ITGB4: variants seen among roughly 807,000 people sequenced by gnomAD.
ITGB4 encodes integrin beta-4.
A neutral mutation model predicts 207.6 loss-of-function variants in ITGB4; 159 were observed. The ratio of observed to expected loss-of-function variants is 0.77; its 90% CI spans 0.67 to 0.87. The LOEUF (loss-of-function observed/expected upper bound fraction) is 0.87. Ranked by LOEUF, ITGB4 falls within the 40% of genes least tolerant of loss-of-function variation. ITGB4 has a pLI of 0.00. For synonymous variants in ITGB4, 1,020 were observed against 1,062.7 expected (o/e 0.96, Z 0.78); for missense variants, 2,278 against 2,546.8 (o/e 0.89, Z 2.27).
At chr17:75,734,976 C>T (rs1467414991) in intron 13 of ITGB4, among the ~76,000 whole-genome samples, 3 of 152,224 alleles carry the variant, frequency 2.0e-5, no homozygotes, top group Non-Finnish European at 4.4e-5. Flanking sequence ...AACCTTGTAT[C>T]TAGTCACCTT....
At chr17:75,751,972 G>A (rs557602196) in intron 30 of ITGB4, 5 of 689,674 alleles carry the variant, frequency 7.2e-6, no homozygotes, top group African/African-American at 1.7e-5. Flanking sequence ...GAGTCCCTTG[G>A]AGGACTGGTG....
intron 13 of ITGB4, among the ~76,000 whole-genome samples, chr17:75,734,774 G>T (rs1488406942): frequency 6.6e-6 from 1 of 152,168 alleles, no homozygotes; most frequent in Non-Finnish European, 1.5e-5. Context: ...GAGAGAACTG[G>T]GCACCACTGG....
At position 75,740,488 on chromosome 17, in the gene ITGB4, C is replaced by T. The variant is rs572534386; in HGVS notation, c.2550+27C>T. On this transcript the variant is annotated intron_variant, in intron 21 of 39. Transcript: ENST00000200181. The surrounding 1 kb of genome is among the most constrained non-coding windows in gnomAD (Gnocchi z 5.9). ...TAAGGACCCAGGAACTAGGCCTGGCCGGAGATGTGGGTATGAGGGCGGGTG... is the reference window on the plus strand; with the variant it reads ...TAAGGACCCAGGAACTAGGCCTGGCTGGAGATGTGGGTATGAGGGCGGGTG... 29 of 1,556,096 alleles carry T rather than the reference C, an allele frequency of 1.9e-5. No homozygotes were observed. The South Asian group carries it at 2.0e-4, about 11-fold the overall frequency.
Position 75,742,457 on chromosome 17 carries a change from C to A in ITGB4, c.2750C>A (p.Ala917Asp). 1 of 1,612,972 alleles carries A rather than the reference C, an allele frequency of 6.2e-7. No individual in the cohort carries two copies. Among genetic ancestry groups the A allele is most frequent in the Non-Finnish European group, 8.5e-7 (1 of 1,179,732 alleles). Residue 917 changes from alanine to aspartate, a missense_variant, in exon 24 of 40, where the codon GCC (alanine) becomes GAC (aspartate). Ala to Asp is a moderately radical substitution (Grantham distance 126). Coordinates refer to ENST00000200181, the MANE Select transcript of ITGB4 (RefSeq NM_000213.5). The surrounding 1 kb of genome is among the most constrained non-coding windows in gnomAD (Gnocchi z 5.9). ...EQRAFHDLKV[A>D]PGYYTLTADQ... ...AGGGCCTTCCACGACCTCAAGGTGG[C>A]CCCCGGCTACTACACCCTCACTGCA...
At chr17:75,741,111 G>T in intron 23 of ITGB4, 106 bp downstream of exon 23, 1 of 1,315,896 alleles carries the variant, frequency 7.6e-7, no homozygotes, top group South Asian at 1.2e-5. Context: ...CCATAGGAAG[G>T]GAGGGTCAGA....
At position 75,756,480 on chromosome 17, in the gene ITGB4, TGGAA is replaced by T. The variant is rs768872194; in HGVS notation, c.4762_4765del (p.Glu1588ThrfsTer50). 2 of 1,613,062 alleles carry T rather than the reference TGGAA, an allele frequency of 1.2e-6. No individual in the cohort carries two copies. ...AACCCTGCCCAGACCTCGGTGGTGG[TGGAA>T]GACCTCCTGCCCAACCACTCCTACG... On this transcript the variant is annotated frameshift_variant, in exon 36 of 40. Coordinates refer to ENST00000200181, the MANE Select transcript of ITGB4 (RefSeq NM_000213.5). LOFTEE classifies it high-confidence loss of function.
chr17:75,736,735 G>A, intron 16 of ITGB4, 41 bp downstream of exon 16: 1 of 1,571,476 alleles, frequency 6.4e-7, no homozygotes, highest in Non-Finnish European at 8.6e-7. Flanking sequence ...TGAGAGCCTA[G>A]GCAGCGGGCA....
At position 75,727,533 on chromosome 17, in the gene ITGB4, G is replaced by T. The variant is rs750587121; in HGVS notation, c.264+28G>T. 1.2e-6 allele frequency: 2 copies of T among 1,606,862 alleles called. No homozygotes were observed. Among genetic ancestry groups the T allele is most frequent in the East Asian group, 4.5e-5 (2 of 44,794 alleles). The stretch of plus-strand genomic sequence containing the variant: ...GCCTGGTGTGGGGACTGGGGTGGGG[G>T]CTCCCCATGCTCAGCCTGGCTATTT... On this transcript the variant is annotated intron_variant, in intron 4 of 39. Coordinates refer to ENST00000200181, the MANE Select transcript of ITGB4 (RefSeq NM_000213.5). The surrounding 1 kb of genome is among the most constrained non-coding windows in gnomAD (Gnocchi z 6.0).
chr17:75,727,593 C>T lies in ITGB4; in HGVS notation c.265-58C>T. The stretch of plus-strand genomic sequence containing the variant: ...TATAGTGCCCCTTGGCCGGGCTGGG[C>T]CCCCATCGGGCCTCCGGAGTGACCC... On this transcript the variant is annotated intron_variant, in intron 4 of 39. Transcript: ENST00000200181. The surrounding 1 kb of genome is among the most constrained non-coding windows in gnomAD (Gnocchi z 6.0). 3.2e-6 allele frequency: 5 copies of T among 1,579,948 alleles called. No individual in the cohort carries two copies. Among genetic ancestry groups the T allele is most frequent in the Non-Finnish European group, 4.3e-6 (5 of 1,162,678 alleles).
chr17:75,755,729 C>CA lies in ITGB4; in HGVS notation c.4588dup (p.Thr1530AsnfsTer42). ...CTCGCCTGACTGCTGGTGTGCCCGA[C>CA]ACGCCCACCCGCCTGGTGTTCTCTG... On this transcript the variant is annotated frameshift_variant, in exon 35 of 40. Transcript: ENST00000200181. LOFTEE classifies it high-confidence loss of function. 1.2e-6 allele frequency: 2 copies of CA among 1,612,948 alleles called. No individual in the cohort carries two copies. Among genetic ancestry groups the CA allele is most frequent in the Non-Finnish European group, 1.7e-6 (2 of 1,179,928 alleles).
chr17:75,743,614 T>G, intron 25 of ITGB4, 99 bp from the exon 26 acceptor site: 1 of 1,537,870 alleles, frequency 6.5e-7, no homozygotes, highest in Non-Finnish European at 9.0e-7. Context: ...CCAAGCGGAC[T>G]CCTGGATTCT....
chr17:75,742,787 A>G lies in ITGB4; in HGVS notation c.2962+26A>G. On this transcript the variant is annotated intron_variant, in intron 25 of 39. Coordinates refer to ENST00000200181, the MANE Select transcript of ITGB4 (RefSeq NM_000213.5). This position sits in a 1 kb window ranked among gnomAD's most constrained non-coding sequence, Gnocchi z 5.9. ...GTGGGTCTGGGTGGGGAGAGTGGGG[A>G]AGGCAGACGGGGGCTCGGGGGCACT... 6.3e-7 allele frequency: 1 copy of G among 1,596,056 alleles called. No homozygotes were observed. The highest frequency in any genetic ancestry group is 8.5e-7 in the Non-Finnish European group (1 of 1,175,202).
At position 75,743,734 on chromosome 17, in the gene ITGB4, A is replaced by G. The variant is rs374504143; in HGVS notation, c.2984A>G (p.Glu995Gly). 215 of 1,613,292 alleles carry G rather than the reference A, an allele frequency of 1.3e-4. 1 individual carries two copies. The highest frequency in any genetic ancestry group is 1.7e-4 in the Non-Finnish European group (204 of 1,179,996). ...GCAGCCAGAGACGTGGTGTCCTTTG[A>G]GCAGCCTGAGTTCTCGGTCAGCCGC... ...KEQARDVVSF[E>G]QPEFSVSRGD... The change falls in exon 26 of 40, where the codon GAG (glutamate) becomes GGG (glycine). Residue 995 changes from glutamate to glycine, a missense_variant. Physicochemically the swap from Glu to Gly is moderately conservative, Grantham distance 98. Coordinates refer to ENST00000200181, the MANE Select transcript of ITGB4 (RefSeq NM_000213.5).
chr17:75,743,378 A>G (rs993349673), intron 25 of ITGB4, among the ~76,000 whole-genome samples: 1 of 151,864 alleles, frequency 6.6e-6, no homozygotes, highest in Admixed American at 6.6e-5. Context: ...GATTACAGGC[A>G]CTCGCCACCA....
In ITGB4 at chr17:75,739,969, G is replaced by A. The variant is rs761335732; in HGVS notation, c.2344G>A (p.Gly782Arg). The A allele has an allele frequency of 9.9e-6, 16 of 1,613,134 alleles. No homozygotes were observed. Among genetic ancestry groups the A allele is most frequent in the South Asian group, 2.2e-5 (2 of 91,084 alleles). Residue 782 changes from glycine to arginine, a missense_variant, in exon 20 of 40, where the codon GGG becomes AGG. By Grantham distance (125) the Gly-to-Arg change is moderately radical. Coordinates refer to ENST00000200181, the MANE Select transcript of ITGB4 (RefSeq NM_000213.5). This position sits in a 1 kb window ranked among gnomAD's most constrained non-coding sequence, Gnocchi z 5.4. The stretch of plus-strand genomic sequence containing the variant: ...CTTGGACACGCCCATGCTGCGCAGC[G>A]GGAACCTCAAGGGCCGTGACGTGGT... ...DHLDTPMLRS[G>R]NLKGRDVVRW...
Position 75,752,252 on chromosome 17 carries a change from C to G in ITGB4, c.3872C>G (p.Ser1291Cys). 1.9e-6 allele frequency: 3 copies of G among 1,613,616 alleles called. No homozygotes were observed. Among genetic ancestry groups the G allele is most frequent in the Non-Finnish European group, 2.5e-6 (3 of 1,180,038 alleles). ...CTGCTTATTGAGAACCTTCGGGAGT[C>G]CCAGCCCTACCGCTACACGGTGAAG... The part of the protein sequence containing the change: ...RMLLIENLRE[S>C]QPYRYTVKAR... The change falls in exon 31 of 40, where the codon TCC becomes TGC. Residue 1291 changes from serine to cysteine, a missense_variant. Physicochemically the swap from Ser to Cys is moderately radical, Grantham distance 112. Coordinates refer to ENST00000200181, the MANE Select transcript of ITGB4 (RefSeq NM_000213.5).
At chr17:75,741,195 C>T in intron 23 of ITGB4, 190 bp downstream of exon 23, 1 of 716,236 alleles carries the variant, frequency 1.4e-6, no homozygotes. Flanking sequence ...GAAGTGCTTG[C>T]TATGAAGTGG....
chr17:75,754,944 ACG>A, intron 34 of ITGB4, 129 bp downstream of exon 34: 1 of 1,480,860 alleles, frequency 6.8e-7, no homozygotes, highest in Admixed American at 1.9e-5. Context: ...GCACACATGC[ACG>A]CACACACGTG....
rs781107809 is a variant in ITGB4 at position 75,742,472 on chromosome 17, C to T, written c.2765C>T (p.Thr922Ile). 1.2e-6 allele frequency: 2 copies of T among 1,613,160 alleles called. No homozygotes were observed. Among genetic ancestry groups the T allele is most frequent in the Non-Finnish European group, 1.7e-6 (2 of 1,179,798 alleles). Reference sequence around the variant, plus strand: ...CTCAAGGTGGCCCCCGGCTACTACACCCTCACTGCAGACCAGGGTAGGAGG... The same window carrying T: ...CTCAAGGTGGCCCCCGGCTACTACATCCTCACTGCAGACCAGGGTAGGAGG... ...HDLKVAPGYY[T>I]LTADQDARGM... The change falls in exon 24 of 40, where the codon ACC (threonine) becomes ATC (isoleucine). Residue 922 changes from threonine (T) to isoleucine (I), a missense_variant. Coordinates refer to ENST00000200181, the MANE Select transcript of ITGB4 (RefSeq NM_000213.5). The surrounding 1 kb of genome is among the most constrained non-coding windows in gnomAD (Gnocchi z 5.9).
Sources: gnomAD v4.1 joint callset for allele counts (sites outside exome capture counted in the v4.1 genomes callset) on GRCh38, gnomAD v4.1.1 for gene constraint, Gnocchi (gnomAD v3.1) non-coding constraint, MANE v1.5 for transcripts, NCBI Gene and HGNC (gene_info 2026-07-23, HGNC 2026-07-21) for gene names.